The following SMARCA1 variants were observed in gnomAD, a reference collection of about 807,000 sequenced individuals.
SMARCA1 encodes SNF2 related chromatin remodeling ATPase 1, also known as SWI/SNF-related matrix-associated actin-dependent regulator of chromatin subfamily A member 1.
SMARCA1 carries 17 observed loss-of-function variants against 93.6 expected under a neutral mutation model. That is an observed-to-expected ratio of 0.18 (90% CI 0.12 to 0.27). The LOEUF (loss-of-function observed/expected upper bound fraction) is 0.27. Ranked by LOEUF, SMARCA1 falls within the 10% of genes least tolerant of loss-of-function variation. The pLI, the probability that SMARCA1 is intolerant of heterozygous loss-of-function variation, is 1.00. For synonymous variants in SMARCA1, 271 were observed against 271.4 expected (o/e 1.00, Z 0.01); for missense variants, 630 against 819.0 (o/e 0.77, Z 2.82).
intron 17 of SMARCA1, among the ~76,000 whole-genome samples, chrX:129,484,288 T>G (rs1933800300): frequency 8.9e-6 from 1 of 111,942 alleles, no homozygotes; most frequent in Admixed American, 9.5e-5. Flanking sequence ...TTAATAAAAC[T>G]TATATCACAT....
chrX:129,513,378 G>C (rs771061506), intron 5 of SMARCA1, among the ~76,000 whole-genome samples: 17 of 107,840 alleles, frequency 1.6e-4, no homozygotes, highest in African/African-American at 5.7e-4. Flanking sequence ...TACAAAATTA[G>C]CCAGGCGTGG....
At chrX:129,514,076 C>A (rs1935105667) in intron 5 of SMARCA1, among the ~76,000 whole-genome samples, 1 of 112,871 alleles carries the variant, frequency 8.9e-6, no homozygotes, top group Admixed American at 9.3e-5. Flanking sequence ...GCCTGTAATC[C>A]CAGCACTTTG....
At position 129,488,947 on chromosome X, in the gene SMARCA1, C is replaced by T; in HGVS notation, c.2087G>A (p.Gly696Glu). 2 of 1,179,943 alleles carry T rather than the reference C, an allele frequency of 1.7e-6. No individual in the cohort carries two copies. Among genetic ancestry groups the T allele is most frequent in the Non-Finnish European group, 2.3e-6 (2 of 873,161 alleles). The change falls in exon 16 of 25, where the codon GGG becomes GAG. Residue 696 changes from glycine (G) to glutamate (E), a missense_variant. By Grantham distance (98) the Gly-to-Glu change is moderately conservative. This residue lies in a region of SMARCA1 where 382 missense variants were observed against 537.9 expected (regional missense o/e 0.71). Coordinates refer to ENST00000371121, the MANE Select transcript of SMARCA1 (RefSeq NM_001282874.2). ...DEDITTILERGEKKTAEMNER... is the reference protein window; with the variant it reads ...DEDITTILEREEKKTAEMNER... ...GCTATTTTAACTAACCTTCTTTTCC[C>T]CTCTTTCCAGAATAGTTGTAATGTC...
chrX:129,447,359 AT>A (rs1360371101), intron 24 of SMARCA1, 126 bp from the exon 25 acceptor site: 96 of 685,971 alleles, frequency 1.4e-4, no homozygotes, highest in African/African-American at 4.4e-5. Context: ...TAAATGTTAT[AT>A]TCACAGTTAA....
At chrX:129,485,507 A>T (rs941235563) in intron 17 of SMARCA1, among the ~76,000 whole-genome samples, 4 of 111,997 alleles carry the variant, frequency 3.6e-5, no homozygotes, top group Non-Finnish European at 7.5e-5. Flanking sequence ...TGCTGGAACA[A>T]ATTAAGACTT....
rs200169506 is a variant in SMARCA1 at position 129,506,128 on chromosome X, C to T, written c.1050G>A (p.Leu350=). 1.7e-6 allele frequency: 2 copies of T among 1,198,119 alleles called. No homozygotes were observed. The highest frequency in any genetic ancestry group is 4.3e-5 in the Admixed American group (2 of 45,983). ...GTPLQNNLHE[L]WALLNFLLPD... is the part of the protein sequence containing the mutation. ...GCAATAAAAAGTTGAGTAAGGCCCA[C>T]AGTTCATGCAGGTTATTCTGCAAAG... The change falls in exon 8 of 25, where the codon CTG becomes CTA. Residue 350 remains leucine, a synonymous_variant. Transcript: ENST00000371121.
intron 23 of SMARCA1, among the ~76,000 whole-genome samples, chrX:129,461,389 T>G (rs750297780): frequency 8.9e-6 from 1 of 112,010 alleles, no homozygotes; most frequent in African/African-American, 3.2e-5. Flanking sequence ...CCTAAGAAGG[T>G]ACAAGGAATT....
intron 21 of SMARCA1, among the ~76,000 whole-genome samples, chrX:129,468,134 A>G (rs1474040636): frequency 8.9e-6 from 1 of 112,823 alleles, no homozygotes; most frequent in African/African-American, 3.2e-5. Context: ...TATCCTTTAC[A>G]ATACCCTTTA....
Position 129,516,375 on chromosome X carries a change from G to A in SMARCA1, c.384C>T (p.Pro128=). Residue 128 remains proline (P), a synonymous_variant, in exon 3 of 25, where the codon CCC becomes CCT. Coordinates refer to ENST00000371121, the MANE Select transcript of SMARCA1 (RefSeq NM_001282874.2). ...TCTGCTTTTCATCTTTCTTTATTCGGGGACGTCCCAATTTCATGTTCAGTG... is the reference window on the plus strand; with the variant it reads ...TCTGCTTTTCATCTTTCTTTATTCGAGGACGTCCCAATTTCATGTTCAGTG... ...TSPLNMKLGR[P]RIKKDEKQSL... is the part of the protein sequence containing the mutation. 8.3e-7 allele frequency: 1 copy of A among 1,209,461 alleles called. No individual in the cohort carries two copies. Among genetic ancestry groups the A allele is most frequent in the East Asian group, 3.0e-5 (1 of 33,781 alleles).
chrX:129,513,319 G>A (rs980928137), intron 5 of SMARCA1, among the ~76,000 whole-genome samples: 20 of 109,311 alleles, frequency 1.8e-4, no homozygotes, highest in African/African-American at 6.7e-4. Context: ...GAAGTCAGGA[G>A]TTTGAGAACA....
At position 129,447,042 on chromosome X, in the gene SMARCA1, G is replaced by A. The variant is rs1490407913; in HGVS notation, c.*120C>T. 2.3e-5 allele frequency: 12 copies of A among 526,994 alleles called. No individual in the cohort carries two copies. Among genetic ancestry groups the A allele is most frequent in the Non-Finnish European group, 3.6e-5 (12 of 331,915 alleles). 43.4% of individuals were successfully genotyped at this position (526,994 alleles called of 1,213,427 possible). ...ATTGTAAAATATATAAAATATGCAA[G>A]AAATCAAAACCAAAGAGATTTTTCT... On this transcript the variant is annotated 3_prime_UTR_variant, in exon 25 of 25. Coordinates refer to ENST00000371121, the MANE Select transcript of SMARCA1 (RefSeq NM_001282874.2).
intron 1 of SMARCA1, chrX:129,518,735 CTTTAA>C (rs753776463): frequency 6.3e-6 from 1 of 159,646 alleles, no homozygotes; most frequent in African/African-American, 3.0e-5. Context: ...CTCATCCATT[CTTTAA>C]TTTATAGTGT....
chrX:129,506,230 A>C lies in SMARCA1; in HGVS notation c.967-19T>G, dbSNP rs1197904181. ...CTGAAAGCTAGAAAATAATACTCAT[A>C]TGAGGATTATTTTACTTATTAGAAT... is the stretch of plus-strand genomic sequence containing the variant. On this transcript the variant is annotated intron_variant, in intron 7 of 24. Coordinates refer to ENST00000371121, the MANE Select transcript of SMARCA1 (RefSeq NM_001282874.2). The C allele has an allele frequency of 9.0e-7, 1 of 1,112,941 alleles. No homozygotes were observed. The highest frequency in any genetic ancestry group is 1.8e-5 in the African/African-American group (1 of 55,215). 91.7% of individuals were successfully genotyped at this position (1,112,941 alleles called of 1,213,427 possible). A position where few individuals can be genotyped will look rare whatever the true frequency, so the allele number is the denominator to read the frequency against.
chrX:129,470,028 G>T (rs919035314), intron 20 of SMARCA1, among the ~76,000 whole-genome samples: 1 of 111,147 alleles, frequency 9.0e-6, no homozygotes, highest in Non-Finnish European at 1.9e-5. Context: ...AATGTAATTT[G>T]TGAAAATCCA....
chrX:129,495,447 C>T (rs1934283463), intron 12 of SMARCA1, among the ~76,000 whole-genome samples: 1 of 112,164 alleles, frequency 8.9e-6, no homozygotes, highest in Non-Finnish European at 1.9e-5. Flanking sequence ...CCTCAAACTC[C>T]TGGGCTCAAG....
At chrX:129,489,373 G>T (rs938789462) in intron 15 of SMARCA1, among the ~76,000 whole-genome samples, 1 of 111,506 alleles carries the variant, frequency 9.0e-6, no homozygotes, top group Non-Finnish European at 1.9e-5. Flanking sequence ...TATATGAAAA[G>T]GTACCCTCTA....
At chrX:129,465,403 A>G (rs1409280649) in intron 23 of SMARCA1, 117 bp downstream of exon 23, 1 of 486,648 alleles carries the variant, frequency 2.1e-6, no homozygotes, top group Admixed American at 3.6e-5. Flanking sequence ...GAGAGAGAGA[A>G]AGAGAGAGCG....
intron 23 of SMARCA1, among the ~76,000 whole-genome samples, chrX:129,459,133 C>T (rs1932757254): frequency 1.8e-5 from 2 of 112,594 alleles, no homozygotes; most frequent in African/African-American, 6.4e-5. Flanking sequence ...TTAGAAAATA[C>T]TGTATCACTG....
intron 23 of SMARCA1, among the ~76,000 whole-genome samples, chrX:129,448,797 T>G (rs940474991): frequency 3.6e-5 from 4 of 111,012 alleles, no homozygotes; most frequent in Non-Finnish European, 5.7e-5. Context: ...ATTATTCCAT[T>G]TATATAACAT....
Sources: gnomAD v4.1 joint callset for allele counts (sites outside exome capture counted in the v4.1 genomes callset) on GRCh38, gnomAD v4.1.1 for gene constraint, gnomAD v4.1.1 regional missense constraint, MANE v1.5 for transcripts, NCBI Gene and HGNC (gene_info 2026-07-23, HGNC 2026-07-21) for gene names.